The following OTULINL variants were observed in gnomAD, a reference collection of about 807,000 sequenced individuals.
OTULINL encodes the protein inactive ubiquitin thioesterase OTULINL.
A neutral mutation model predicts 43.9 loss-of-function variants in OTULINL; 42 were observed. The ratio of observed to expected loss-of-function variants is 0.96; its 90% CI spans 0.75 to 1.24. OTULINL has a LOEUF of 1.24. OTULINL is among the 50% of genes most tolerant of loss of function. The pLI, the probability that OTULINL is intolerant of heterozygous loss-of-function variation, is 0.00. For synonymous variants in OTULINL, 172 were observed against 153.6 expected (o/e 1.12, Z -0.88); for missense variants, 411 against 426.4 (o/e 0.96, Z 0.32).
In OTULINL at chr5:14,614,369, TATTC is replaced by T. The variant is rs1318099387; in HGVS notation, c.*4059_*4062del. ...TTAATTATTTAATTGACAAATTAGCTATTCATTTTCCTTCAAATCCTGTTTTTAT... is the reference window on the plus strand; with the variant it reads ...TTAATTATTTAATTGACAAATTAGCTATTTTCCTTCAAATCCTGTTTTTAT... On this transcript the variant is annotated 3_prime_UTR_variant, in exon 8 of 8. Coordinates refer to ENST00000274217, the MANE Select transcript of OTULINL (RefSeq NM_019018.3). 7.9e-5 allele frequency among the ~76,000 whole-genome samples: 12 copies of T among 152,380 alleles called. No homozygotes were observed. The highest frequency in any genetic ancestry group is 2.9e-4 in the African/African-American group (12 of 41,590).
At chr5:14,605,719 A>G (rs1239567297) in intron 5 of OTULINL, among the ~76,000 whole-genome samples, 1 of 152,148 alleles carries the variant, frequency 6.6e-6, no homozygotes, top group Non-Finnish European at 1.5e-5. Context: ...AGAGTTCCGT[A>G]AATCTCTAGG....
intron 1 of OTULINL, among the ~76,000 whole-genome samples, chr5:14,593,311 G>T (rs1267308164): frequency 1.3e-5 from 2 of 152,202 alleles, no homozygotes; most frequent in Non-Finnish European, 2.9e-5. Context: ...TAGCCAAATG[G>T]TTTATATTCA....
rs1465535404 is a variant in OTULINL at position 14,611,895 on chromosome 5, G to A, written c.*1581G>A. On this transcript the variant is annotated 3_prime_UTR_variant, in exon 8 of 8. Coordinates refer to ENST00000274217, the MANE Select transcript of OTULINL (RefSeq NM_019018.3). ...TATTTCTGCAATAAATTAAAAGGGA[G>A]TGTGTCAAATGCTGTCATGTCTGAA... 2 of 152,192 alleles carry A rather than the reference G, an allele frequency of 1.3e-5. No homozygotes were observed. The highest frequency in any genetic ancestry group is 2.4e-5 in the African/African-American group (1 of 41,450). 9.4% of individuals were successfully genotyped at this position (152,192 alleles called of 1,614,324 possible).
rs1759381018 is a variant in OTULINL, at chr5:14,601,086, C to T, written c.186C>T (p.Phe62=). The change falls in exon 2 of 8, where the codon TTC becomes TTT. Residue 62 remains phenylalanine, a synonymous_variant. Transcript: ENST00000274217. ...TTCTGGTGGCTGCCATCTGCTACTT[C>T]CGGAGGCTACATTTATATTCAGGGC... The part of the protein sequence containing the change: ...VSFLVAAICY[F]RRLHLYSGHK... The T allele has an allele frequency of 6.2e-7, 1 of 1,613,006 alleles. No homozygotes were observed. The highest frequency in any genetic ancestry group is 8.5e-7 in the Non-Finnish European group (1 of 1,179,734).
intron 1 of OTULINL, among the ~76,000 whole-genome samples, chr5:14,584,375 C>T (rs1353855312): frequency 6.6e-6 from 1 of 152,166 alleles, no homozygotes; most frequent in African/African-American, 2.4e-5. Context: ...TAGGAATGCC[C>T]AGTGTGGAAC....
intron 5 of OTULINL, among the ~76,000 whole-genome samples, chr5:14,606,128 A>G (rs1329598339): frequency 6.6e-6 from 1 of 152,356 alleles, no homozygotes; most frequent in East Asian, 1.9e-4. Context: ...AGACAGTTCC[A>G]TGTGGCTGGG....
chr5:14,600,433 G>A (rs1338112358), intron 1 of OTULINL, among the ~76,000 whole-genome samples: 1 of 152,176 alleles, frequency 6.6e-6, no homozygotes, highest in African/African-American at 2.4e-5. Context: ...ATCGCTAGAC[G>A]TCACCTGGTT....
Position 14,608,782 on chromosome 5 carries a change from A to G in OTULINL, c.662A>G (p.Lys221Arg). Residue 221 changes from lysine (K) to arginine (R), a missense_variant, in exon 7 of 8, where the codon AAG (lysine) becomes AGG (arginine). Lys to Arg is a conservative substitution (Grantham distance 26). Coordinates refer to ENST00000274217, the MANE Select transcript of OTULINL (RefSeq NM_019018.3). ...TTTAATGGCATTAGAGATTATCACA[A>G]GAGAGGAAGTATGTGCAACACCCTT... is the stretch of plus-strand genomic sequence containing the variant. The part of the protein sequence containing the change: ...TEFNGIRDYH[K>R]RGSMCNTLFS... 3.1e-6 allele frequency: 5 copies of G among 1,611,796 alleles called. No homozygotes were observed. Among genetic ancestry groups the G allele is most frequent in the Non-Finnish European group, 3.4e-6 (4 of 1,178,178 alleles).
Position 14,612,887 on chromosome 5 carries a change from C to T in OTULINL, c.*2573C>T, listed in dbSNP as rs958165189. On this transcript the variant is annotated 3_prime_UTR_variant, in exon 8 of 8. Transcript: ENST00000274217. ...CATATTAGTACAAGGCTGACTTTTA[C>T]TGTGGTAAAATACACATAACATATA... Among the ~76,000 whole-genome samples, 1 of 151,590 alleles carries T rather than the reference C, an allele frequency of 6.6e-6. No homozygotes were observed. The highest frequency in any genetic ancestry group is 1.5e-5 in the Non-Finnish European group (1 of 67,932).
chr5:14,607,965 A>G (rs918707605), intron 6 of OTULINL, among the ~76,000 whole-genome samples: 17 of 152,358 alleles, frequency 1.1e-4, no homozygotes, highest in African/African-American at 4.1e-4. Context: ...TGTATTAAAG[A>G]GAAACATCAA....
At chr5:14,601,474 T>C (rs895474104) in intron 4 of OTULINL, 32 bp downstream of exon 4, 131 of 1,564,212 alleles carry the variant, frequency 8.4e-5, no homozygotes, top group Non-Finnish European at 1.1e-4. Flanking sequence ...ATGGGAGAAA[T>C]AGAGTTTGTC....
At chr5:14,587,604 C>G (rs1301826131) in intron 1 of OTULINL, among the ~76,000 whole-genome samples, 1 of 152,178 alleles carries the variant, frequency 6.6e-6, no homozygotes, top group Non-Finnish European at 1.5e-5. Context: ...TGAAGCAGTG[C>G]AAGGCTTGGG....
In OTULINL at chr5:14,613,273, A is replaced by G. The variant is rs1759612169; in HGVS notation, c.*2959A>G. On this transcript the variant is annotated 3_prime_UTR_variant, in exon 8 of 8. Transcript: ENST00000274217. ...TTAAGCATATTCACATTGTTGTGCA[A>G]CCCTCACCACCATCCACCCTCAGAA... 6.6e-6 allele frequency among the ~76,000 whole-genome samples: 1 copy of G among 152,162 alleles called. No homozygotes were observed. The highest frequency in any genetic ancestry group is 1.5e-5 in the Non-Finnish European group (1 of 68,016).
chr5:14,585,943 CTGT>C (rs1456254435), intron 1 of OTULINL, among the ~76,000 whole-genome samples: 2 of 152,228 alleles, frequency 1.3e-5, no homozygotes, highest in African/African-American at 2.4e-5. Flanking sequence ...CATTTGTATA[CTGT>C]TGTTATTGTT....
chr5:14,590,992 G>C (rs1759191942), intron 1 of OTULINL, among the ~76,000 whole-genome samples: 1 of 152,148 alleles, frequency 6.6e-6, no homozygotes, highest in Non-Finnish European at 1.5e-5. Flanking sequence ...AACCCACACT[G>C]GCTGTGGAGT....
chr5:14,608,015 C>CGT lies in OTULINL; in HGVS notation c.627+558_627+559dup, dbSNP rs1282892004. Reference sequence around the variant, plus strand: ...TACCATTATTGTGAGGATTCAATGACGTAATACACAGAGAGCTTTAAACTG... The same window carrying CGT: ...TACCATTATTGTGAGGATTCAATGACGTGTAATACACAGAGAGCTTTAAACTG... On this transcript the variant is annotated intron_variant, in intron 6 of 7. Transcript: ENST00000274217. 2.0e-5 allele frequency among the ~76,000 whole-genome samples: 3 copies of CGT among 152,146 alleles called. No homozygotes were observed. The East Asian group carries it at 5.8e-4, about 29-fold the overall frequency.
At chr5:14,586,348 A>G (rs1029089887) in intron 1 of OTULINL, among the ~76,000 whole-genome samples, 1 of 152,270 alleles carries the variant, frequency 6.6e-6, no homozygotes, top group East Asian at 1.9e-4. Context: ...CTACTTTCCC[A>G]TTTAGTTGGA....
At chr5:14,604,461 A>G (rs1045171778) in intron 5 of OTULINL, among the ~76,000 whole-genome samples, 4 of 152,192 alleles carry the variant, frequency 2.6e-5, no homozygotes, top group African/African-American at 9.7e-5. Flanking sequence ...ATGCCTTCCC[A>G]GCAGTCCCCC....
chr5:14,593,169 T>C (rs1759233699), intron 1 of OTULINL, among the ~76,000 whole-genome samples: 1 of 152,090 alleles, frequency 6.6e-6, no homozygotes, highest in African/African-American at 2.4e-5. Flanking sequence ...CGTAGAATAA[T>C]GATCAAAGTT....
Sources: gnomAD v4.1 joint callset for allele counts (sites outside exome capture counted in the v4.1 genomes callset) on GRCh38, gnomAD v4.1.1 for gene constraint, MANE v1.5 for transcripts, NCBI Gene and HGNC (gene_info 2026-07-23, HGNC 2026-07-21) for gene names.